Variants in DEDD2 observed in about 807,000 individuals in gnomAD.
DEDD2 encodes the protein DNA-binding death effector domain-containing protein 2.
A neutral mutation model predicts 28.9 loss-of-function variants in DEDD2; 18 were observed. The observed-to-expected ratio is 0.62, with a 90% CI of 0.43 to 0.92. DEDD2 has a LOEUF of 0.92. Ranked by LOEUF, DEDD2 falls within the 40% of genes least tolerant of loss-of-function variation. The pLI is 0.00. For missense variants in DEDD2, 411 were observed against 463.3 expected (o/e 0.89, Z 1.04); for synonymous variants, 211 against 206.1 (o/e 1.02, Z -0.20).
rs572575594 is a variant in DEDD2 at position 42,215,796 on chromosome 19, G to A, written c.329-544C>T. Among the ~76,000 whole-genome samples, 851 of 152,166 alleles carry A rather than the reference G, an allele frequency of 5.6e-3. 7 individuals are homozygous for A. The highest frequency in any genetic ancestry group is 0.041 in the Middle Eastern group (12 of 294). ...TGGTCTATTCATGCACACGGCTACC[G>A]GCAGCCTGAACCCCTCCCAGCTTCT... On this transcript the variant is annotated intron_variant, in intron 2 of 4. Transcript: ENST00000596251.
At chr19:42,217,914 C>G (rs750669639), upstream of DEDD2, among the ~76,000 whole-genome samples, 116 of 152,338 alleles carry the variant, frequency 7.6e-4, 2 homozygotes, top group Non-Finnish European at 5.4e-4. Flanking sequence ...GTATCTGGTA[C>G]CCGGTTCCAG....
intron 2 of DEDD2, 43 bp downstream of exon 2, chr19:42,216,637 C>T (rs757647806): frequency 3.5e-5 from 52 of 1,500,414 alleles, no homozygotes; most frequent in Non-Finnish European, 4.4e-5. Flanking sequence ...GGAGCCAGGC[C>T]CTTTCCTCCC....
chr19:42,200,864 C>T (rs780487341), intron 4 of DEDD2, among the ~76,000 whole-genome samples: 17 of 152,308 alleles, frequency 1.1e-4, no homozygotes, highest in Non-Finnish European at 2.4e-4. Context: ...GGACACTGGA[C>T]TTCTAAGGCT....
intron 3 of DEDD2, among the ~76,000 whole-genome samples, chr19:42,211,341 C>T (rs150660221): frequency 3.0e-4 from 45 of 150,560 alleles, no homozygotes; most frequent in East Asian, 5.9e-4. Context: ...GCAGTGTTTG[C>T]GCCACTGGAC....
At chr19:42,209,549 G>A (rs777714252) in intron 4 of DEDD2, 151 bp downstream of exon 4, 19 of 1,194,386 alleles carry the variant, frequency 1.6e-5, no homozygotes, top group Admixed American at 2.7e-5. Context: ...GCAAGATGGC[G>A]AGAGAAAGGA....
upstream of DEDD2, among the ~76,000 whole-genome samples, chr19:42,219,107 C>T (rs1010663243): frequency 1.4e-5 from 2 of 142,616 alleles, no homozygotes; most frequent in African/African-American, 2.6e-5. Flanking sequence ...GAGTTCGAGA[C>T]CAGTCTGACC....
Position 42,199,588 on chromosome 19 carries a change from G to A in DEDD2, c.831C>T (p.Gly277=), listed in dbSNP as rs145639797. 2.3e-3 allele frequency: 3,672 copies of A among 1,614,020 alleles called. 27 individuals carry two copies. The highest frequency in any genetic ancestry group is 0.013 in the South Asian group (1,224 of 91,082). ...LSGALLQALR[G]VFLTEALREA... is the part of the protein sequence containing the mutation. ...CTCGCAGGGCCTCAGTCAGGAACACGCCCCGCAGGGCCTGCAGCAGGGCGC... is the reference window on the plus strand; with the variant it reads ...CTCGCAGGGCCTCAGTCAGGAACACACCCCGCAGGGCCTGCAGCAGGGCGC... The change falls in exon 5 of 5, where the codon GGC becomes GGT. Residue 277 remains glycine, a synonymous_variant. Coordinates refer to ENST00000596251, the MANE Select transcript of DEDD2 (RefSeq NM_133328.4). The surrounding 1 kb of genome is among the most constrained non-coding windows in gnomAD (Gnocchi z 7.4).
chr19:42,214,661 G>A (rs949380195), intron 3 of DEDD2, among the ~76,000 whole-genome samples: 1 of 152,146 alleles, frequency 6.6e-6, no homozygotes, highest in Non-Finnish European at 1.5e-5. Flanking sequence ...TACTTGAGAG[G>A]CTGAGGTGGA....
chr19:42,201,694 C>T (rs1666324317), intron 4 of DEDD2: 1 of 296,752 alleles, frequency 3.4e-6, no homozygotes, highest in Non-Finnish European at 6.2e-6. Flanking sequence ...CCACTTCCTC[C>T]TTCCACCCCA....
At chr19:42,204,324 G>C (rs2035444440) in intron 4 of DEDD2, 1 of 152,238 alleles carries the variant, frequency 6.6e-6, no homozygotes, top group African/African-American at 2.4e-5. Context: ...CAACATTGTA[G>C]GTGGAACCTC....
chr19:42,207,043 G>C (rs1259875613), intron 4 of DEDD2, among the ~76,000 whole-genome samples: 1 of 152,112 alleles, frequency 6.6e-6, no homozygotes. Flanking sequence ...CCCTTGGCCT[G>C]TTCCTATCTT....
upstream of DEDD2, among the ~76,000 whole-genome samples, chr19:42,218,967 C>A (rs113326977): frequency 2.5e-3 from 380 of 152,278 alleles, 6 homozygotes; most frequent in African/African-American, 8.6e-3. Context: ...AGAGATAGTG[C>A]CACTGCACTC....
At chr19:42,214,237 CTT>C (rs1356754506) in intron 3 of DEDD2, among the ~76,000 whole-genome samples, 8 of 152,200 alleles carry the variant, frequency 5.3e-5, no homozygotes, top group Admixed American at 1.3e-4. Context: ...GGGCAGATCT[CTT>C]GAGGCCAGGA....
At chr19:42,207,063 A>C (rs1038936276) in intron 4 of DEDD2, among the ~76,000 whole-genome samples, 1 of 152,148 alleles carries the variant, frequency 6.6e-6, no homozygotes, top group East Asian at 1.9e-4. Flanking sequence ...TCCTTGAGGC[A>C]ATGACTCCCT....
intron 4 of DEDD2, among the ~76,000 whole-genome samples, chr19:42,202,523 G>A (rs1241954943): frequency 6.6e-6 from 1 of 152,168 alleles, no homozygotes; most frequent in Non-Finnish European, 1.5e-5. Context: ...CACCATGTCA[G>A]AGTGGACAGG....
chr19:42,214,085 T>C (rs2035870109), intron 3 of DEDD2, among the ~76,000 whole-genome samples: 1 of 152,202 alleles, frequency 6.6e-6, no homozygotes, highest in South Asian at 2.1e-4. Context: ...AGCAAAATCT[T>C]AACAATTATT....
chr19:42,202,188 G>C (rs993994420), intron 4 of DEDD2: 1 of 397,986 alleles, frequency 2.5e-6, no homozygotes. Flanking sequence ...CCCAGAAACA[G>C]GAACTGTAAT....
Position 42,216,949 on chromosome 19 carries a change from T to G in DEDD2, c.59A>C (p.Tyr20Ser). Residue 20 changes from tyrosine (Y) to serine (S), a missense_variant, in exon 2 of 5, where the codon TAC becomes TCC. Tyr to Ser is a moderately radical substitution (Grantham distance 144, BLOSUM62 -2). Around this residue, in one of 2 missense-constraint regions of DEDD2, gnomAD observed 282 missense variants for 273.4 expected, o/e 1.03. Transcript: ENST00000596251. ...ACGGTGAAGCGACAGCATCCCGTAGTAGTCCAGGCACTCATCCTCCTCCCA... is the reference window on the plus strand; with the variant it reads ...ACGGTGAAGCGACAGCATCCCGTAGGAGTCCAGGCACTCATCCTCCTCCCA... ...PCWEEDECLD[Y>S]YGMLSLHRMF... is the part of the protein sequence containing the mutation. The G allele has an allele frequency of 1.2e-6, 2 of 1,602,694 alleles. No homozygotes were observed. The highest frequency in any genetic ancestry group is 1.7e-5 in the Admixed American group (1 of 58,938).
chr19:42,207,902 G>A (rs534376884), intron 4 of DEDD2, among the ~76,000 whole-genome samples: 2 of 151,682 alleles, frequency 1.3e-5, no homozygotes, highest in Middle Eastern at 3.4e-3. Context: ...GACGTTGTAC[G>A]CATGAGTCAC....
Sources: allele counts gnomAD v4.1 joint callset (sites outside exome capture counted in the v4.1 genomes callset), GRCh38; gene constraint gnomAD v4.1.1; regional missense constraint gnomAD v4.1.1; non-coding constraint Gnocchi (gnomAD v3.1); transcripts MANE v1.5; gene names NCBI Gene and HGNC (gene_info 2026-07-23, HGNC 2026-07-21).